The following PDE2A variants were observed in gnomAD, a reference collection of about 807,000 sequenced individuals.
PDE2A encodes the protein cGMP-dependent 3',5'-cyclic phosphodiesterase.
In PDE2A, 53 loss-of-function variants were observed where a neutral mutation model predicts 133.6. The observed-to-expected ratio is 0.40, with a 90% CI of 0.32 to 0.50. The LOEUF is 0.50. Ranked by LOEUF, PDE2A falls within the 20% of genes least tolerant of loss-of-function variation. The pLI is 0.73. For synonymous variants in PDE2A, 491 were observed against 490.2 expected (o/e 1.00, Z -0.02); for missense variants, 796 against 1,232.4 (o/e 0.65, Z 5.30).
intron 1 of PDE2A, among the ~76,000 whole-genome samples, chr11:72,650,324 AC>A (rs35057014): frequency 0.39 from 58,634 of 151,630 alleles, 13,248 homozygotes; most frequent in Middle Eastern, 0.61. Flanking sequence ...CGTGTAGCCA[AC>A]CCCAAGAAAC....
intron 1 of PDE2A, among the ~76,000 whole-genome samples, chr11:72,669,527 T>C (rs1855336273): frequency 6.6e-6 from 1 of 152,180 alleles, no homozygotes; most frequent in Admixed American, 6.5e-5. Context: ...TTACTAAATA[T>C]ATCGACTTCC....
Position 72,589,931 on chromosome 11 carries a change from C to T in PDE2A, c.807G>A (p.Glu269=), listed in dbSNP as rs1315647715. 5 of 1,613,450 alleles carry T rather than the reference C, an allele frequency of 3.1e-6. No homozygotes were observed. Among genetic ancestry groups the T allele is most frequent in the Non-Finnish European group, 4.2e-6 (5 of 1,179,882 alleles). Residue 269 remains glutamate (E), a synonymous_variant, in exon 10 of 31, where the codon GAG becomes GAA. Coordinates refer to ENST00000334456, the MANE Select transcript of PDE2A (RefSeq NM_002599.5). The stretch of plus-strand genomic sequence containing the variant: ...CCTTGCAAGAAAGCTGGAGATTGTC[C>T]TCCGACACCAGCAGGAGGCAGCAGC... The part of the protein sequence containing the change: ...ASRCCLLLVS[E]DNLQLSCKVI...
rs1565187562 is a variant in PDE2A at position 72,639,402 on chromosome 11, GC to G, written c.144+2851del. On this transcript the variant is annotated intron_variant, in intron 2 of 30. Transcript: ENST00000334456. ...GAAGTGAGTGCTTGGCTGCTCGGCTGCTCAGCCCCGCTGACATGAGCCAGGA... is the reference window on the plus strand; with the variant it reads ...GAAGTGAGTGCTTGGCTGCTCGGCTGTCAGCCCCGCTGACATGAGCCAGGA... Among the ~76,000 whole-genome samples, 3 of 152,298 alleles carry G rather than the reference GC, an allele frequency of 2.0e-5. No individual in the cohort carries two copies. The East Asian group carries it at 5.8e-4, about 29-fold the overall frequency.
chr11:72,597,712 A>G lies in PDE2A; in HGVS notation c.324-93T>C. 1 of 790,180 alleles carries G rather than the reference A, an allele frequency of 1.3e-6. No individual in the cohort carries two copies. Among genetic ancestry groups the G allele is most frequent in the South Asian group, 1.6e-5 (1 of 63,928 alleles). 48.9% of individuals were successfully genotyped at this position (790,180 alleles called of 1,614,324 possible). On this transcript the variant is annotated intron_variant, in intron 4 of 30. Coordinates refer to ENST00000334456, the MANE Select transcript of PDE2A (RefSeq NM_002599.5). This position sits in a 1 kb window ranked among gnomAD's most constrained non-coding sequence, Gnocchi z 4.6. Reference sequence around the variant, plus strand: ...ACACAGGACAGTTTGGACCCTGCACATGTGCAAGGATCTGGGCAAGCTGAC... The same window carrying G: ...ACACAGGACAGTTTGGACCCTGCACGTGTGCAAGGATCTGGGCAAGCTGAC...
intron 2 of PDE2A, chr11:72,615,156 G>A (rs775469593): frequency 2.1e-6 from 1 of 477,888 alleles, no homozygotes; most frequent in South Asian, 1.5e-5. Context: ...TGCCTCCCAA[G>A]GGTGTCCCCA....
intron 1 of PDE2A, among the ~76,000 whole-genome samples, chr11:72,663,168 G>T (rs186901946): frequency 6.6e-6 from 1 of 152,152 alleles, no homozygotes; most frequent in African/African-American, 2.4e-5. Context: ...CTAATGAAGC[G>T]GAGAGCAAGG....
At position 72,589,763 on chromosome 11, in the gene PDE2A, C is replaced by T. The variant is rs776760128; in HGVS notation, c.861G>A (p.Glu287=). The T allele has an allele frequency of 2.5e-6, 4 of 1,613,740 alleles. No homozygotes were observed. The South Asian group carries it at 4.4e-5, about 18-fold the overall frequency. The part of the protein sequence containing the change: ...KVIGDKVLGE[E]VSFPLTGCLG... ...ACGCGGGACTCACGGGAAAGCTGAC[C>T]TCTTCCCCGAGCACTTTGTCTCCGA... The change falls in exon 11 of 31, where the codon GAG becomes GAA. Residue 287 remains glutamate, a synonymous_variant. Coordinates refer to ENST00000334456, the MANE Select transcript of PDE2A (RefSeq NM_002599.5).
intron 1 of PDE2A, among the ~76,000 whole-genome samples, chr11:72,651,928 G>A (rs1182974065): frequency 6.6e-6 from 1 of 152,208 alleles, no homozygotes; most frequent in African/African-American, 2.4e-5. Flanking sequence ...CTGGGCCCTA[G>A]GACCAGGAAG....
intron 2 of PDE2A, among the ~76,000 whole-genome samples, chr11:72,612,778 C>T (rs1857273524): frequency 6.6e-6 from 1 of 152,032 alleles, no homozygotes; most frequent in African/African-American, 2.4e-5. Flanking sequence ...TCCAGCTCCA[C>T]CTGCAGCTCT....
intron 1 of PDE2A, among the ~76,000 whole-genome samples, chr11:72,651,096 T>C (rs1256085602): frequency 1.3e-5 from 2 of 152,204 alleles, no homozygotes; most frequent in African/African-American, 4.8e-5. Flanking sequence ...CAGAGCTTCA[T>C]GTTCTTAGAA....
At chr11:72,587,495 A>C (rs1036473522) in intron 13 of PDE2A, among the ~76,000 whole-genome samples, 1 of 152,042 alleles carries the variant, frequency 6.6e-6, no homozygotes, top group African/African-American at 2.4e-5. Context: ...CCAAGGCCCC[A>C]TCCTTATTTC....
At chr11:72,598,100 T>C (rs965188520) in intron 4 of PDE2A, among the ~76,000 whole-genome samples, 7 of 152,178 alleles carry the variant, frequency 4.6e-5, no homozygotes, top group Admixed American at 2.0e-4. Flanking sequence ...TATTGGCCAT[T>C]TCCTATGTCC....
chr11:72,584,166 A>AAAACCCCCCCCCCC, intron 19 of PDE2A, 35 bp downstream of exon 19: 1 of 777,832 alleles, frequency 1.3e-6, no homozygotes, highest in Non-Finnish European at 2.0e-6. Flanking sequence ...CCCGCCCCCT[A>AAAACCCCCCCCCCC]TCACCCCACA....
At chr11:72,599,669 G>A (rs1856649577) in intron 4 of PDE2A, among the ~76,000 whole-genome samples, 1 of 152,164 alleles carries the variant, frequency 6.6e-6, no homozygotes, top group Non-Finnish European at 1.5e-5. Context: ...ATTCTCCATG[G>A]CAGAGCAAGA....
intron 4 of PDE2A, among the ~76,000 whole-genome samples, chr11:72,603,136 C>T (rs1208103479): frequency 6.6e-6 from 1 of 152,188 alleles, no homozygotes; most frequent in Non-Finnish European, 1.5e-5. Context: ...ATGGGTATGT[C>T]CCCTGGGAGG....
At chr11:72,604,298 G>C (rs995095368) in intron 4 of PDE2A, among the ~76,000 whole-genome samples, 3 of 152,210 alleles carry the variant, frequency 2.0e-5, no homozygotes, top group Admixed American at 2.0e-4. Context: ...CAGAAGACCC[G>C]AGTCCTAGGC....
chr11:72,660,572 T>C (rs1397729184), intron 1 of PDE2A, among the ~76,000 whole-genome samples: 2 of 152,142 alleles, frequency 1.3e-5, no homozygotes, highest in Admixed American at 1.3e-4. Context: ...TGAGGTGGGC[T>C]CTATTATCCT....
In PDE2A at chr11:72,597,668, A is replaced by T. The variant is rs781331914; in HGVS notation, c.324-49T>A. 1.3e-5 allele frequency: 17 copies of T among 1,288,746 alleles called. No individual in the cohort carries two copies. In the South Asian group the frequency reaches 1.7e-4, roughly 13 times the overall value. The allele number at this position is 1,288,746 out of a possible 1,614,324, so 79.8% of individuals were successfully genotyped here. A position where few individuals can be genotyped will look rare whatever the true frequency, so the allele number is the denominator to read the frequency against. On this transcript the variant is annotated intron_variant, in intron 4 of 30. Transcript: ENST00000334456. The surrounding 1 kb of genome is among the most constrained non-coding windows in gnomAD (Gnocchi z 4.6). ...CTTGAGAGCCCCCGACTCAGGGAGGAACGAGGCCTGGCCTGGGAACACAGG... is the reference window on the plus strand; with the variant it reads ...CTTGAGAGCCCCCGACTCAGGGAGGTACGAGGCCTGGCCTGGGAACACAGG...
At chr11:72,673,398 T>TACACACACACAC (rs10552751) in intron 1 of PDE2A, among the ~76,000 whole-genome samples, 70 of 148,458 alleles carry the variant, frequency 4.7e-4, no homozygotes, top group African/African-American at 1.7e-3. Flanking sequence ...TCCACATGTA[T>TACACACACACAC]ACACACACAC....
Sources: gnomAD v4.1 joint callset for allele counts (sites outside exome capture counted in the v4.1 genomes callset) on GRCh38, gnomAD v4.1.1 for gene constraint, Gnocchi (gnomAD v3.1) non-coding constraint, MANE v1.5 for transcripts, NCBI Gene and HGNC (gene_info 2026-07-23, HGNC 2026-07-21) for gene names.